ABLIM2: variants seen among roughly 807,000 people sequenced by gnomAD.
ABLIM2 encodes actin-binding LIM protein 2.
In ABLIM2, 53 loss-of-function variants were observed where a neutral mutation model predicts 97.7. That is an observed-to-expected ratio of 0.54 (90% CI 0.44 to 0.68). The LOEUF is 0.68. Ranked by LOEUF, ABLIM2 falls within the 30% of genes least tolerant of loss-of-function variation. The probability of loss-of-function intolerance (pLI) is 0.00; values close to 1 mark genes in which losing one functional copy is unlikely to be tolerated. For missense variants in ABLIM2, 835 were observed against 867.2 expected (o/e 0.96, Z 0.47); for synonymous variants, 361 against 345.8 (o/e 1.04, Z -0.49).
chr4:7,993,805 G>A (rs541409101), intron 16 of ABLIM2: 17 of 433,976 alleles, frequency 3.9e-5, no homozygotes, highest in Admixed American at 3.0e-4. Context: ...ATTCCCTGTG[G>A]GGCAAGGCTC....
At chr4:8,111,060 A>G (rs1840067492) in intron 1 of ABLIM2, among the ~76,000 whole-genome samples, 1 of 152,260 alleles carries the variant, frequency 6.6e-6, no homozygotes, top group East Asian at 1.9e-4. Flanking sequence ...GCCCAAAGTC[A>G]GCCACGTGTT....
Position 8,019,543 on chromosome 4 carries a change from G to A in ABLIM2, c.1423+75C>T, listed in dbSNP as rs935511953. 2 of 1,415,108 alleles carry A rather than the reference G, an allele frequency of 1.4e-6. No homozygotes were observed. The highest frequency in any genetic ancestry group is 2.0e-6 in the Non-Finnish European group (2 of 1,019,870). 87.7% of individuals were successfully genotyped at this position (1,415,108 alleles called of 1,614,324 possible). On this transcript the variant is annotated intron_variant, in intron 14 of 20. Coordinates refer to ENST00000447017, the MANE Select transcript of ABLIM2 (RefSeq NM_001130083.2). The surrounding 1 kb of genome is among the most constrained non-coding windows in gnomAD (Gnocchi z 4.3). ...CTGCATTTATCAGAACACAACAAAA[G>A]GATGCATTCAGAAGCAGATGGGTAT... is the stretch of plus-strand genomic sequence containing the variant.
rs200209603 is a variant in ABLIM2 at position 8,072,391 on chromosome 4, T to G, written c.675+5237A>C. On this transcript the variant is annotated intron_variant, in intron 6 of 20. Transcript: ENST00000447017. The surrounding 1 kb of genome is among the most constrained non-coding windows in gnomAD (Gnocchi z 5.8). ...GTGCCTGAGGCAGAGCAGCCCCAGT[T>G]TGGGTGGGGTCTGCCCCCGACCCCA... 6.6e-6 allele frequency among the ~76,000 whole-genome samples: 1 copy of G among 152,102 alleles called. No individual in the cohort carries two copies. The highest frequency in any genetic ancestry group is 1.5e-5 in the Non-Finnish European group (1 of 67,996).
intron 3 of ABLIM2, among the ~76,000 whole-genome samples, chr4:8,088,757 G>A (rs1195622131): frequency 1.3e-5 from 2 of 152,242 alleles, no homozygotes; most frequent in Non-Finnish European, 2.9e-5. Context: ...CATGCCTCAT[G>A]AGTAACCCCA....
chr4:8,070,727 C>T (rs980859116), intron 6 of ABLIM2, among the ~76,000 whole-genome samples: 1 of 152,020 alleles, frequency 6.6e-6, no homozygotes, highest in African/African-American at 2.4e-5. Context: ...GGGTGGAACA[C>T]ACAGTGAGGC....
chr4:8,025,680 C>T (rs1194157125), intron 12 of ABLIM2, among the ~76,000 whole-genome samples: 4 of 152,124 alleles, frequency 2.6e-5, no homozygotes, highest in African/African-American at 9.7e-5. Context: ...CTCTAGGACC[C>T]ACAGAGGCTG....
chr4:7,993,000 G>A lies in ABLIM2; in HGVS notation c.1619-73C>T. 3 of 1,527,804 alleles carry A rather than the reference G, an allele frequency of 2.0e-6. No individual in the cohort carries two copies. Among genetic ancestry groups the A allele is most frequent in the South Asian group, 2.3e-5 (2 of 86,104 alleles). The allele number at this position is 1,527,804 out of a possible 1,614,324, so 94.6% of individuals were successfully genotyped here. On this transcript the variant is annotated intron_variant, in intron 16 of 20. Transcript: ENST00000447017. The surrounding 1 kb of genome is among the most constrained non-coding windows in gnomAD (Gnocchi z 5.7). ...GCAATGGGGGTGCAGCCCTGGGGGG[G>A]CTTCCCACCGGGGTGGGCAAGGCTG...
rs150728305 is a variant in ABLIM2, at chr4:8,087,371, G to A, written c.454+798C>T. ...CACACCTGCAAACCCCTGACACTTC[G>A]GCTGGCATTTGTTTTTTTTCCACAC... is the stretch of plus-strand genomic sequence containing the variant. On this transcript the variant is annotated intron_variant, in intron 4 of 20. Transcript: ENST00000447017. The surrounding 1 kb of genome is among the most constrained non-coding windows in gnomAD (Gnocchi z 4.6). 3.7e-4 allele frequency among the ~76,000 whole-genome samples: 56 copies of A among 151,868 alleles called. No homozygotes were observed. The highest frequency in any genetic ancestry group is 4.6e-4 in the Admixed American group (7 of 15,142).
At chr4:7,976,748 T>C (rs1373863451) in intron 20 of ABLIM2, among the ~76,000 whole-genome samples, 2 of 151,680 alleles carry the variant, frequency 1.3e-5, no homozygotes, top group African/African-American at 2.4e-5. Flanking sequence ...CATATGCAAA[T>C]ATGCACACAC....
At chr4:8,008,249 G>A in intron 15 of ABLIM2, 49 bp from the exon 16 acceptor site, 3 of 1,569,580 alleles carry the variant, frequency 1.9e-6, no homozygotes, top group Non-Finnish European at 1.8e-6. Context: ...ATCTGCAATG[G>A]TGGGAACATC....
Position 8,147,881 on chromosome 4 carries a change from C to A in ABLIM2, c.10+10799G>T, listed in dbSNP as rs1048508208. Among the ~76,000 whole-genome samples, 1 of 152,242 alleles carries A rather than the reference C, an allele frequency of 6.6e-6. No homozygotes were observed. Among genetic ancestry groups the A allele is most frequent in the African/African-American group, 2.4e-5 (1 of 41,476 alleles). The stretch of plus-strand genomic sequence containing the variant: ...GCCTTTGCCCAGCACTCTGGTTGTG[C>A]CATCTTCCCTGAGCGAGGCACGGAC... On this transcript the variant is annotated intron_variant, in intron 1 of 20. Coordinates refer to ENST00000447017, the MANE Select transcript of ABLIM2 (RefSeq NM_001130083.2). The surrounding 1 kb of genome is among the most constrained non-coding windows in gnomAD (Gnocchi z 5.3).
rs1164453944 is a variant in ABLIM2, at chr4:8,150,433, T to A, written c.10+8247A>T. 6.6e-6 allele frequency among the ~76,000 whole-genome samples: 1 copy of A among 152,216 alleles called. No individual in the cohort carries two copies. Among genetic ancestry groups the A allele is most frequent in the Non-Finnish European group, 1.5e-5 (1 of 68,040 alleles). On this transcript the variant is annotated intron_variant, in intron 1 of 20. Coordinates refer to ENST00000447017, the MANE Select transcript of ABLIM2 (RefSeq NM_001130083.2). The surrounding 1 kb of genome is among the most constrained non-coding windows in gnomAD (Gnocchi z 6.3). ...GGGGAGCCAGTACAAGGCCCCATCG[T>A]GCCCTGAGGACAGACGCCAGCGAGG...
At chr4:8,099,664 T>G (rs1216241928) in intron 2 of ABLIM2, among the ~76,000 whole-genome samples, 1 of 152,040 alleles carries the variant, frequency 6.6e-6, no homozygotes, top group Non-Finnish European at 1.5e-5. Context: ...GCTAACATGG[T>G]GAAACCCCGT....
intron 1 of ABLIM2, among the ~76,000 whole-genome samples, chr4:8,121,868 C>T (rs927862937): frequency 1.3e-5 from 2 of 152,208 alleles, no homozygotes; most frequent in African/African-American, 4.8e-5. Flanking sequence ...ACACCAGGGA[C>T]TGCACTCAGC....
Position 8,071,534 on chromosome 4 carries a change from C to G in ABLIM2, c.675+6094G>C, listed in dbSNP as rs1477902085. On this transcript the variant is annotated intron_variant, in intron 6 of 20. Transcript: ENST00000447017. This position sits in a 1 kb window ranked among gnomAD's most constrained non-coding sequence, Gnocchi z 6.2. ...CCATGCCCACCACACGCAGACACAG[C>G]ACAGGCGAGGGCTCGGCTGGCAGTG... Among the ~76,000 whole-genome samples the G allele has an allele frequency of 1.3e-5, 2 of 152,164 alleles. No homozygotes were observed. Among genetic ancestry groups the G allele is most frequent in the Non-Finnish European group, 2.9e-5 (2 of 68,012 alleles).
chr4:7,988,452 C>G (rs1240964824), intron 17 of ABLIM2, among the ~76,000 whole-genome samples: 1 of 152,218 alleles, frequency 6.6e-6, no homozygotes, highest in Admixed American at 6.5e-5. Context: ...TGCCTGAGAT[C>G]ATATGACAAA....
chr4:8,109,940 G>A (rs1006195828), intron 1 of ABLIM2, among the ~76,000 whole-genome samples: 7 of 152,218 alleles, frequency 4.6e-5, no homozygotes, highest in South Asian at 2.1e-4. Context: ...TTTTGCCTGC[G>A]GAGTCATTGT....
chr4:8,158,125 C>T (rs1470379519), intron 1 of ABLIM2, among the ~76,000 whole-genome samples: 1 of 152,200 alleles, frequency 6.6e-6, no homozygotes, highest in Non-Finnish European at 1.5e-5. Context: ...TGGAGACGCG[C>T]AGAGATCGGG....
intron 17 of ABLIM2, 143 bp from the exon 18 acceptor site, chr4:7,985,036 G>T: frequency 1.3e-6 from 1 of 797,128 alleles, no homozygotes; most frequent in Non-Finnish European, 2.0e-6. Flanking sequence ...CAGCAGTGGG[G>T]CGTGACAGAA....
Sources: gnomAD v4.1 joint callset for allele counts (sites outside exome capture counted in the v4.1 genomes callset) on GRCh38, gnomAD v4.1.1 for gene constraint, Gnocchi (gnomAD v3.1) non-coding constraint, MANE v1.5 for transcripts, NCBI Gene and HGNC (gene_info 2026-07-23, HGNC 2026-07-21) for gene names.